The following PCDHGA11 variants were observed in gnomAD, a reference collection of about 807,000 sequenced individuals.
PCDHGA11 encodes protocadherin gamma subfamily A, 11.
A neutral mutation model predicts 60.4 loss-of-function variants in PCDHGA11; 39 were observed. The observed-to-expected ratio is 0.65, with a 90% confidence interval of 0.50 to 0.84. PCDHGA11 has a LOEUF of 0.84. Among genes scored for constraint, PCDHGA11 ranks in the 40% least tolerant of loss-of-function variants. PCDHGA11 has a pLI of 0.00. For missense variants in PCDHGA11, 1,165 were observed against 1,197.7 expected (o/e 0.97, Z 0.40); for synonymous variants, 533 against 510.3 (o/e 1.04, Z -0.60).
intron 1 of PCDHGA11, among the ~76,000 whole-genome samples, chr5:141,492,968 C>T: frequency 6.6e-6 from 1 of 152,240 alleles, no homozygotes; most frequent in East Asian, 1.9e-4. Flanking sequence ...GACACTCTAA[C>T]AAGTCCTGTC....
Position 141,493,034 on chromosome 5 carries a change from G to A in PCDHGA11, c.2434-1773G>A, listed in dbSNP as rs75211372. 6.6e-6 allele frequency among the ~76,000 whole-genome samples: 1 copy of A among 152,230 alleles called. No homozygotes were observed. Among genetic ancestry groups the A allele is most frequent in the African/African-American group, 2.4e-5 (1 of 41,458 alleles). On this transcript the variant is annotated intron_variant, in intron 1 of 3. Transcript: ENST00000398587. This position sits in a 1 kb window ranked among gnomAD's most constrained non-coding sequence, Gnocchi z 4.3. ...GCCAGATGCCAGGGTGCCCTTATGTGTGAGGAAACTACAATAGTAAAAAAC... is the reference window on the plus strand; with the variant it reads ...GCCAGATGCCAGGGTGCCCTTATGTATGAGGAAACTACAATAGTAAAAAAC...
chr5:141,442,702 T>G (rs1301940560), intron 1 of PCDHGA11, among the ~76,000 whole-genome samples: 6 of 152,224 alleles, frequency 3.9e-5, no homozygotes, highest in Non-Finnish European at 8.8e-5. Context: ...GACAAGAGTA[T>G]CAGACATGCC....
Position 141,491,869 on chromosome 5 carries a change from G to A in PCDHGA11, c.2434-2938G>A. On this transcript the variant is annotated intron_variant, in intron 1 of 3. Transcript: ENST00000398587. The surrounding 1 kb of genome is among the most constrained non-coding windows in gnomAD (Gnocchi z 6.9). ...GGACCGTTTGCGCGAAACCAGAGTG[G>A]CCGATTAAGGGATGGGGCTCCGAGC... The A allele has an allele frequency of 6.9e-7, 1 of 1,453,094 alleles. No individual in the cohort carries two copies. Among genetic ancestry groups the A allele is most frequent in the Non-Finnish European group, 9.1e-7 (1 of 1,099,380 alleles). 90.0% of individuals were successfully genotyped at this position (1,453,094 alleles called of 1,614,324 possible).
At chr5:141,497,713 T>C (rs1357797720) in intron 2 of PCDHGA11, among the ~76,000 whole-genome samples, 3 of 152,084 alleles carry the variant, frequency 2.0e-5, no homozygotes, top group Non-Finnish European at 1.5e-5. Context: ...CTCATTTTTG[T>C]ATTTTTAGTA....
chr5:141,461,845 C>CA (rs2099025049), intron 1 of PCDHGA11, among the ~76,000 whole-genome samples: 1 of 151,000 alleles, frequency 6.6e-6, no homozygotes. Context: ...TTTTTTGAGA[C>CA]AGAGTTTTGC....
At chr5:141,502,953 C>G (rs145774277) in intron 2 of PCDHGA11, among the ~76,000 whole-genome samples, 1,594 of 147,762 alleles carry the variant, frequency 0.011, 24 homozygotes, top group African/African-American at 0.037. Context: ...AAGCGATTCT[C>G]CTGCCTCAGC....
At position 141,485,562 on chromosome 5, in the gene PCDHGA11, C is replaced by T. The variant is rs779890454; in HGVS notation, c.2434-9245C>T. 2.5e-6 allele frequency: 4 copies of T among 1,612,910 alleles called. No homozygotes were observed. Among genetic ancestry groups the T allele is most frequent in the Admixed American group, 1.7e-5 (1 of 59,996 alleles). On this transcript the variant is annotated intron_variant, in intron 1 of 3. Transcript: ENST00000398587. The surrounding 1 kb of genome is among the most constrained non-coding windows in gnomAD (Gnocchi z 5.7). ...GAGATCGTAGATGTGAATGATCACG[C>T]CCCCCGTTTTCCGCGGCAGCAGCTG... is the stretch of plus-strand genomic sequence containing the variant.
At chr5:141,427,378 C>T in intron 1 of PCDHGA11, 1 of 458,520 alleles carries the variant, frequency 2.2e-6, no homozygotes, top group Non-Finnish European at 4.4e-6. Context: ...ACGGTGATCA[C>T]TCTGTTCAAA....
chr5:141,459,548 C>G (rs980305784), intron 1 of PCDHGA11, among the ~76,000 whole-genome samples: 2 of 152,036 alleles, frequency 1.3e-5, no homozygotes, highest in African/African-American at 4.8e-5. Flanking sequence ...TTTTATTTCT[C>G]TTGGATAAAT....
chr5:141,492,829 C>T (rs2099744241), intron 1 of PCDHGA11, among the ~76,000 whole-genome samples: 1 of 152,232 alleles, frequency 6.6e-6, no homozygotes, highest in Non-Finnish European at 1.5e-5. Context: ...CGGCCCCTTC[C>T]TCCCGCAGGA....
chr5:141,436,035 A>G (rs957896521), intron 1 of PCDHGA11, among the ~76,000 whole-genome samples: 3 of 152,178 alleles, frequency 2.0e-5, no homozygotes, highest in Non-Finnish European at 4.4e-5. Flanking sequence ...CTAAATTTGT[A>G]TTTACATTAG....
chr5:141,448,705 C>T (rs2098601893), intron 1 of PCDHGA11, among the ~76,000 whole-genome samples: 1 of 152,100 alleles, frequency 6.6e-6, no homozygotes, highest in Non-Finnish European at 1.5e-5. Context: ...CTTTGGGAGG[C>T]CGAGGCGGGA....
chr5:141,427,899 G>A, intron 1 of PCDHGA11: 1 of 1,571,372 alleles, frequency 6.4e-7, no homozygotes, highest in Non-Finnish European at 8.7e-7. Flanking sequence ...GGGCTCGCCC[G>A]CGCTCAGCGC....
Position 141,493,876 on chromosome 5 carries a change from G to T in PCDHGA11, c.2434-931G>T, listed in dbSNP as rs2099750541. 6.6e-6 allele frequency among the ~76,000 whole-genome samples: 1 copy of T among 152,194 alleles called. No homozygotes were observed. ...CAGCCCACCCCAGAACCAGTGAGGA[G>T]GTGGCTCTAGGAGTGCTCCATGAGA... On this transcript the variant is annotated intron_variant, in intron 1 of 3. Transcript: ENST00000398587. The surrounding 1 kb of genome is among the most constrained non-coding windows in gnomAD (Gnocchi z 4.3).
chr5:141,448,795 A>T (rs577803435), intron 1 of PCDHGA11, among the ~76,000 whole-genome samples: 1 of 152,086 alleles, frequency 6.6e-6, no homozygotes, highest in African/African-American at 2.4e-5. Context: ...AAAAAAAAAA[A>T]TTAGCCAGGC....
In PCDHGA11 at chr5:141,485,051, CCGAACCGCG is replaced by C. The variant is rs2099605816; in HGVS notation, c.2434-9754_2434-9746del. On this transcript the variant is annotated intron_variant, in intron 1 of 3. Coordinates refer to ENST00000398587, the MANE Select transcript of PCDHGA11 (RefSeq NM_018914.3). This position sits in a 1 kb window ranked among gnomAD's most constrained non-coding sequence, Gnocchi z 5.7. ...CGGCGCGTAACCCTTGCGGCGCCGG[CCGAACCGCG>C]CCAGAGCTGGCGCGGGGAAAGGGAG... 1.2e-6 allele frequency: 1 copy of C among 801,304 alleles called. No individual in the cohort carries two copies. Among genetic ancestry groups the C allele is most frequent in the East Asian group, 2.5e-5 (1 of 40,224 alleles). 49.6% of individuals were successfully genotyped at this position (801,304 alleles called of 1,614,324 possible). A position where few individuals can be genotyped will look rare whatever the true frequency, so the allele number is the denominator to read the frequency against.
chr5:141,436,962 C>A (rs1462988296), intron 1 of PCDHGA11, among the ~76,000 whole-genome samples: 1 of 152,144 alleles, frequency 6.6e-6, no homozygotes, highest in Non-Finnish European at 1.5e-5. Context: ...AAACAAGGAT[C>A]TTGTGAAACT....
rs1310227506 is a variant in PCDHGA11, at chr5:141,432,214, CCAGATCACTTATTCCCTGG to C, written c.2433+8556_2433+8574del. ...ACGACCCCGACTGTGAAGAGAACGC[CCAGATCACTTATTCCCTGG>C]CTGAGAACACCATCCAAGGGGCAAG... is the stretch of plus-strand genomic sequence containing the variant. On this transcript the variant is annotated intron_variant, in intron 1 of 3. Transcript: ENST00000398587. This position sits in a 1 kb window ranked among gnomAD's most constrained non-coding sequence, Gnocchi z 6.0. 3.1e-6 allele frequency: 5 copies of C among 1,614,236 alleles called. No homozygotes were observed. The highest frequency in any genetic ancestry group is 4.2e-6 in the Non-Finnish European group (5 of 1,180,050).
At chr5:141,429,726 C>T (rs931967000) in intron 1 of PCDHGA11, among the ~76,000 whole-genome samples, 23 of 152,068 alleles carry the variant, frequency 1.5e-4, no homozygotes, top group Admixed American at 1.3e-4. Flanking sequence ...CATGAAAGTA[C>T]GTAGCCAGTT....
Sources: gnomAD v4.1 joint callset for allele counts (sites outside exome capture counted in the v4.1 genomes callset) on GRCh38, gnomAD v4.1.1 for gene constraint, Gnocchi (gnomAD v3.1) non-coding constraint, MANE v1.5 for transcripts, NCBI Gene and HGNC (gene_info 2026-07-23, HGNC 2026-07-21) for gene names.